Variants in ZNF710 observed in about 807,000 individuals in gnomAD.
ZNF710 encodes the protein zinc finger protein 710.
A neutral mutation model predicts 50.6 loss-of-function variants in ZNF710; 13 were observed. That is an observed-to-expected ratio of 0.26 (90% CI 0.17 to 0.41). The LOEUF is 0.41. Ranked by LOEUF, ZNF710 falls within the 10% of genes least tolerant of loss-of-function variation. ZNF710 has a pLI of 1.00. For missense variants in ZNF710, 721 were observed against 936.6 expected, an observed-to-expected ratio of 0.77 and a Z score of 3.01; for synonymous variants, 383 against 397.0, an observed-to-expected ratio of 0.96 and a Z score of 0.42.
At chr15:90,002,536 G>A (rs1003445561) in intron 1 of ZNF710, 1 of 152,278 alleles carries the variant, frequency 6.6e-6, no homozygotes, top group Non-Finnish European at 1.5e-5. Context: ...GTCAGATCGG[G>A]GCCCTCAGGC....
chr15:90,002,578 C>G (rs1355104458), intron 1 of ZNF710: 1 of 152,358 alleles, frequency 6.6e-6, no homozygotes, highest in African/African-American at 2.4e-5. Context: ...CGGGGACCGA[C>G]GGGGCAGCCC....
chr15:90,010,926 TTG>T (rs1188201925), intron 1 of ZNF710, among the ~76,000 whole-genome samples: 12 of 122,428 alleles, frequency 9.8e-5, no homozygotes, highest in African/African-American at 2.9e-4. Flanking sequence ...TGTTGGTTTT[TTG>T]TTTTTTTTTT....
Position 90,080,136 on chromosome 15 carries a change from G to A in ZNF710, c.*307G>A. ...GGAGAAGTGGGGCCACTGGGGACAG[G>A]TCACAAGGGCACCGGCCCTCGGGGT... On this transcript the variant is annotated 3_prime_UTR_variant, in exon 5 of 5. Coordinates refer to ENST00000268154, the MANE Select transcript of ZNF710 (RefSeq NM_198526.4). 3.6e-6 allele frequency: 1 copy of A among 276,286 alleles called. No individual in the cohort carries two copies. 17.1% of individuals were successfully genotyped at this position (276,286 alleles called of 1,614,324 possible).
At chr15:90,002,501 G>A (rs893557806) in intron 1 of ZNF710, 1 of 152,260 alleles carries the variant, frequency 6.6e-6, no homozygotes, top group Non-Finnish European at 1.5e-5. Context: ...CTAATTGGAT[G>A]GAGCTGTGGG....
At chr15:89,998,921 C>G (rs1897964488), upstream of ZNF710, among the ~76,000 whole-genome samples, 1 of 152,214 alleles carries the variant, frequency 6.6e-6, no homozygotes, top group African/African-American at 2.4e-5. Context: ...CATTTACATT[C>G]ATGAAGTTAG....
In ZNF710 at chr15:90,080,606, A is replaced by T. The variant is rs143554988; in HGVS notation, c.*777A>T. 952 of 152,618 alleles carry T rather than the reference A, an allele frequency of 6.2e-3. 2 individuals carry two copies. The highest frequency in any genetic ancestry group is 0.01 in the Non-Finnish European group (688 of 68,216). The allele number at this position is 152,618 out of a possible 1,614,324, so 9.5% of individuals were successfully genotyped here. A position where few individuals can be genotyped will look rare whatever the true frequency, so the allele number is the denominator to read the frequency against. ...CCCCGCGTCAGGCACACACTAACAA[A>T]ACCAGAAGCATGGGGCAGGGCAGGG... On this transcript the variant is annotated 3_prime_UTR_variant, in exon 5 of 5. Transcript: ENST00000268154.
At chr15:90,004,503 T>C (rs942608241) in intron 1 of ZNF710, among the ~76,000 whole-genome samples, 3 of 152,198 alleles carry the variant, frequency 2.0e-5, no homozygotes, top group Non-Finnish European at 2.9e-5. Flanking sequence ...GCAGGACTCA[T>C]TATGTTGAAA....
intron 1 of ZNF710, among the ~76,000 whole-genome samples, chr15:90,050,491 C>T (rs1899606166): frequency 2.0e-5 from 3 of 152,212 alleles, no homozygotes; most frequent in South Asian, 2.1e-4. Context: ...ATCAGCTTCT[C>T]CCTTCTCTAG....
At chr15:90,024,458 G>A (rs1898713596) in intron 1 of ZNF710, among the ~76,000 whole-genome samples, 1 of 152,192 alleles carries the variant, frequency 6.6e-6, no homozygotes, top group African/African-American at 2.4e-5. Context: ...CTGGTCCAGA[G>A]GATTCAGATC....
chr15:90,033,845 G>A (rs1055516375), intron 1 of ZNF710, among the ~76,000 whole-genome samples: 2 of 152,212 alleles, frequency 1.3e-5, no homozygotes, highest in Non-Finnish European at 1.5e-5. Context: ...GTATGGAAAC[G>A]TGGGCGCTAC....
At chr15:90,032,538 G>T (rs1029957249) in intron 1 of ZNF710, among the ~76,000 whole-genome samples, 1 of 152,026 alleles carries the variant, frequency 6.6e-6, no homozygotes, top group South Asian at 2.1e-4. Flanking sequence ...AGCACTTTGG[G>T]AGGCCTAGGC....
chr15:90,010,928 G>GT lies in ZNF710; in HGVS notation c.-29+9334dup, dbSNP rs11341248. Among the ~76,000 whole-genome samples the GT allele has an allele frequency of 2.7e-3, 212 of 78,986 alleles. 4 individuals carry two copies. The highest frequency in any genetic ancestry group is 0.023 in the Middle Eastern group (3 of 130). The allele number at this position is 78,986 out of a possible 152,430, so 51.8% of individuals were successfully genotyped here. On this transcript the variant is annotated intron_variant, in intron 1 of 4. Transcript: ENST00000268154. ...TGTTTTTTATTGTTGTTGGTTTTTT[G>GT]TTTTTTTTTTTTTTTTTTTTGAGAC...
intron 2 of ZNF710, among the ~76,000 whole-genome samples, chr15:90,069,772 TA>T (rs1194273309): frequency 6.6e-6 from 1 of 152,180 alleles, no homozygotes; most frequent in Non-Finnish European, 1.5e-5. Context: ...CAGCACTTTC[TA>T]ATCTACCATG....
intron 1 of ZNF710, among the ~76,000 whole-genome samples, chr15:90,041,017 A>T (rs138024933): frequency 6.6e-6 from 1 of 152,140 alleles, no homozygotes; most frequent in Non-Finnish European, 1.5e-5. Context: ...ACAAGAGTTC[A>T]TTATTGTTTC....
intron 1 of ZNF710, among the ~76,000 whole-genome samples, chr15:90,016,970 T>C (rs1238827731): frequency 1.3e-5 from 2 of 152,232 alleles, no homozygotes; most frequent in Admixed American, 1.3e-4. Context: ...AGTTCCCAGC[T>C]TTTATCAGAA....
intron 1 of ZNF710, among the ~76,000 whole-genome samples, chr15:90,027,563 A>T (rs1482032327): frequency 6.6e-6 from 1 of 152,170 alleles, no homozygotes; most frequent in East Asian, 1.9e-4. Flanking sequence ...TTAAAAATCA[A>T]GATTTAAATT....
intron 4 of ZNF710, among the ~76,000 whole-genome samples, chr15:90,077,239 CTTTT>C (rs34572330): frequency 1.4e-3 from 109 of 79,066 alleles, no homozygotes; most frequent in Non-Finnish European, 2.1e-3. Context: ...TCTCAAGGTG[CTTTT>C]TTTTTTTTTT....
chr15:90,046,749 G>A (rs1249987721), intron 1 of ZNF710, among the ~76,000 whole-genome samples: 3 of 152,174 alleles, frequency 2.0e-5, no homozygotes, highest in Non-Finnish European at 4.4e-5. Context: ...GGCTCCAAAG[G>A]GGTTGGGGAA....
intron 1 of ZNF710, among the ~76,000 whole-genome samples, chr15:90,065,360 C>T (rs1047419979): frequency 1.3e-5 from 2 of 152,182 alleles, no homozygotes; most frequent in African/African-American, 4.8e-5. Flanking sequence ...AGGCGAGAGT[C>T]GCCCCAGTAA....
Sources: gnomAD v4.1 joint callset for allele counts (sites outside exome capture counted in the v4.1 genomes callset) on GRCh38, gnomAD v4.1.1 for gene constraint, MANE v1.5 for transcripts, NCBI Gene and HGNC (gene_info 2026-07-23, HGNC 2026-07-21) for gene names.